DICER1: variants seen among roughly 807,000 people sequenced by gnomAD.
DICER1 encodes dicer 1, ribonuclease III.
Under a neutral mutation model 194.1 loss-of-function variants are expected in DICER1, and 43 were observed. The ratio of observed to expected loss-of-function variants is 0.22; its 90% CI spans 0.17 to 0.29. The LOEUF (loss-of-function observed/expected upper bound fraction) is 0.29, where lower values mean the gene tolerates loss of function less well. DICER1 is among the 10% of genes least tolerant of loss of function. The pLI is 1.00. For synonymous variants in DICER1, 832 were observed against 820.5 expected, an observed-to-expected ratio of 1.01 and a Z score of -0.24; for missense variants, 1,608 against 2,317.0, an observed-to-expected ratio of 0.69 and a Z score of 6.28.
At chr14:95,104,221 C>T (rs1350500264) in intron 20 of DICER1, 95 bp from the exon 21 acceptor site, 1 of 1,049,990 alleles carries the variant, frequency 9.5e-7, no homozygotes, top group Non-Finnish European at 1.4e-6. Flanking sequence ...AACAAAGATC[C>T]CAAAAATGTA....
chr14:95,143,367 CT>C (rs750317737), intron 1 of DICER1, among the ~76,000 whole-genome samples: 2 of 152,244 alleles, frequency 1.3e-5, no homozygotes, highest in Non-Finnish European at 2.9e-5. Context: ...GAAGAGGTCC[CT>C]TTCCCCTTTT....
At chr14:95,098,385 T>C (rs936809289) in intron 22 of DICER1, among the ~76,000 whole-genome samples, 4 of 152,202 alleles carry the variant, frequency 2.6e-5, no homozygotes, top group Admixed American at 2.0e-4. Flanking sequence ...AGAATGGCAA[T>C]GCAACCAGCC....
chr14:95,156,077 T>C (rs759812879), intron 1 of DICER1, among the ~76,000 whole-genome samples: 10 of 152,264 alleles, frequency 6.6e-5, no homozygotes, highest in Non-Finnish European at 1.0e-4. Context: ...GGTGAGGATG[T>C]ATATTTTTAT....
chr14:95,141,809 G>A (rs1242616212), intron 1 of DICER1: 1 of 152,194 alleles, frequency 6.6e-6, no homozygotes, highest in Non-Finnish European at 1.5e-5. Context: ...CGAACTTTAA[G>A]AGATGTTCTA....
chr14:95,103,540 A>C lies in DICER1; in HGVS notation c.3856T>G (p.Ser1286Ala), dbSNP rs111495226. The stretch of plus-strand genomic sequence containing the variant: ...GGATTGGGGCCAAGAGTCCTTGAGG[A>C]GTACCCAATAGAAGGGCTCTGCTCA... ...DSEQSPSIGY[S>A]SRTLGPNPGL... is the part of the protein sequence containing the mutation. The change falls in exon 21 of 27, where the codon TCC becomes GCC. Residue 1286 changes from serine (S) to alanine (A), a missense_variant. This residue lies in a region of DICER1 where 222 missense variants were observed against 215.5 expected (regional missense o/e 1.03). Coordinates refer to ENST00000343455, the MANE Select transcript of DICER1 (RefSeq NM_177438.3). The C allele has an allele frequency of 1.9e-6, 3 of 1,614,052 alleles. No individual in the cohort carries two copies. The highest frequency in any genetic ancestry group is 2.5e-6 in the Non-Finnish European group (3 of 1,180,020).
intron 23 of DICER1, 136 bp from the exon 24 acceptor site, chr14:95,094,292 CT>C: frequency 8.9e-7 from 1 of 1,122,840 alleles, no homozygotes; most frequent in Non-Finnish European, 1.3e-6. Context: ...AAAAGGATAT[CT>C]GACATATCAT....
intron 21 of DICER1, among the ~76,000 whole-genome samples, chr14:95,100,860 T>C (rs1595356853): frequency 6.6e-6 from 1 of 152,174 alleles, no homozygotes; most frequent in Non-Finnish European, 1.5e-5. Flanking sequence ...GCAGTCCTCG[T>C]GACACACAGG....
intron 1 of DICER1, among the ~76,000 whole-genome samples, chr14:95,143,245 G>A (rs894322236): frequency 6.6e-6 from 1 of 152,114 alleles, no homozygotes; most frequent in African/African-American, 2.4e-5. Context: ...CTGCAATCAC[G>A]CCTACATCAC....
intron 1 of DICER1, among the ~76,000 whole-genome samples, chr14:95,152,618 T>C (rs1489240501): frequency 1.3e-5 from 2 of 152,232 alleles, no homozygotes; most frequent in Non-Finnish European, 2.9e-5. Flanking sequence ...TGTCATGTCT[T>C]ACTTCTAGTA....
In DICER1 at chr14:95,090,451, T is replaced by G; in HGVS notation, c.*47A>C. ...CTTTCCGATTTAAATAATTTTCCCCTTAATTTTTTTTGTTTTGTTTCTTGT... is the reference window on the plus strand; with the variant it reads ...CTTTCCGATTTAAATAATTTTCCCCGTAATTTTTTTTGTTTTGTTTCTTGT... On this transcript the variant is annotated 3_prime_UTR_variant, in exon 27 of 27. Transcript: ENST00000343455. 4.4e-6 allele frequency: 7 copies of G among 1,600,984 alleles called. No homozygotes were observed. The highest frequency in any genetic ancestry group is 6.0e-6 in the Non-Finnish European group (7 of 1,169,832).
chr14:95,093,562 T>C (rs1890035420), intron 24 of DICER1, among the ~76,000 whole-genome samples: 1 of 152,238 alleles, frequency 6.6e-6, no homozygotes, highest in South Asian at 2.1e-4. Flanking sequence ...AAGCTAAACC[T>C]GCCTTGGGGT....
intron 7 of DICER1, among the ~76,000 whole-genome samples, chr14:95,126,066 C>A (rs1893431832): frequency 7.4e-6 from 1 of 134,288 alleles, no homozygotes. Context: ...GAGGGCTTAT[C>A]GAAATTCAAA....
intron 24 of DICER1, among the ~76,000 whole-genome samples, chr14:95,091,858 T>C (rs1410503197): frequency 6.6e-6 from 1 of 152,196 alleles, no homozygotes; most frequent in Non-Finnish European, 1.5e-5. Flanking sequence ...TGAAAGATTT[T>C]TTCCTCCAAG....
chr14:95,091,171 G>A (rs879066710), intron 25 of DICER1, 32 bp downstream of exon 25: 23 of 1,614,028 alleles, frequency 1.4e-5, no homozygotes, highest in Admixed American at 3.3e-5. Flanking sequence ...AATTTTGTGG[G>A]TTTTTTTCTT....
rs1889410485 is a variant in DICER1, at chr14:95,087,286, A to C, written c.*3212T>G. On this transcript the variant is annotated 3_prime_UTR_variant, in exon 27 of 27. Coordinates refer to ENST00000343455, the MANE Select transcript of DICER1 (RefSeq NM_177438.3). ...TATCAGTATTTTAAAAGACAATTAC[A>C]GGAGTGTTAGAGGTCATTCTAAATT... The C allele has an allele frequency of 4.3e-6, 1 of 233,258 alleles. No homozygotes were observed. The highest frequency in any genetic ancestry group is 8.5e-6 in the Non-Finnish European group (1 of 117,906). The allele number at this position is 233,258 out of a possible 1,614,324, so 14.4% of individuals were successfully genotyped here.
At chr14:95,099,677 C>A in intron 22 of DICER1, 103 bp downstream of exon 22, 1 of 1,438,526 alleles carries the variant, frequency 7.0e-7, no homozygotes, top group South Asian at 1.5e-5. Context: ...GAAAATGAAA[C>A]AAAAAATTAA....
chr14:95,091,416 C>A, intron 24 of DICER1, 51 bp from the exon 25 acceptor site: 2 of 1,536,420 alleles, frequency 1.3e-6, no homozygotes, highest in Non-Finnish European at 9.0e-7. Context: ...CTTTTACAGG[C>A]AGTCCACAGA....
At chr14:95,147,095 G>A (rs546742315) in intron 1 of DICER1, among the ~76,000 whole-genome samples, 31 of 152,298 alleles carry the variant, frequency 2.0e-4, no homozygotes, top group African/African-American at 7.0e-4. Context: ...ATTGGGAATT[G>A]GAAAACAAAC....
At chr14:95,106,554 C>T (rs2140005056) in intron 17 of DICER1, among the ~76,000 whole-genome samples, 1 of 151,928 alleles carries the variant, frequency 6.6e-6, no homozygotes, top group South Asian at 2.1e-4. Flanking sequence ...AGAGTAAATA[C>T]TTTGTATATT....
Sources: gnomAD v4.1 joint callset for allele counts (sites outside exome capture counted in the v4.1 genomes callset) on GRCh38, gnomAD v4.1.1 for gene constraint, gnomAD v4.1.1 regional missense constraint, MANE v1.5 for transcripts, NCBI Gene and HGNC (gene_info 2026-07-23, HGNC 2026-07-21) for gene names.